The following SCLT1 variants were observed in gnomAD, a reference collection of about 807,000 sequenced individuals.
SCLT1 encodes sodium channel and clathrin linker 1.
Under a neutral mutation model 112.8 loss-of-function variants are expected in SCLT1, and 78 were observed. That is an observed-to-expected ratio of 0.69 (90% CI 0.58 to 0.83). SCLT1 has a LOEUF of 0.83. Among genes scored for constraint, SCLT1 ranks in the 40% least tolerant of loss-of-function variants. SCLT1 has a pLI of 0.00. For synonymous variants in SCLT1, 257 were observed against 254.7 expected, an observed-to-expected ratio of 1.01 and a Z score of -0.09; for missense variants, 747 against 770.4, an observed-to-expected ratio of 0.97 and a Z score of 0.36.
chr4:128,945,911 G>GT (rs1448331650), intron 16 of SCLT1, 96 bp downstream of exon 16: 21 of 718,124 alleles, frequency 2.9e-5, no homozygotes, highest in African/African-American at 1.8e-4. Context: ...AAGATATATT[G>GT]TAAGTCCTAC....
chr4:128,982,642 C>A (rs1011205973), intron 9 of SCLT1, among the ~76,000 whole-genome samples: 1 of 151,306 alleles, frequency 6.6e-6, no homozygotes. Context: ...GCTGGGATTA[C>A]AGGCTCCCAT....
At chr4:129,015,713 T>C (rs1334462706) in intron 5 of SCLT1, among the ~76,000 whole-genome samples, 2 of 152,172 alleles carry the variant, frequency 1.3e-5, no homozygotes, top group East Asian at 3.8e-4. Context: ...TCTCTCCTCC[T>C]GCTAGGGTTC....
intron 18 of SCLT1, among the ~76,000 whole-genome samples, chr4:128,924,975 C>T (rs919699080): frequency 6.6e-6 from 1 of 152,144 alleles, no homozygotes; most frequent in African/African-American, 2.4e-5. Context: ...TCTCTCCTCA[C>T]TCTGAGGGAA....
intron 18 of SCLT1, among the ~76,000 whole-genome samples, chr4:128,900,959 C>A (rs1373261689): frequency 3.9e-5 from 6 of 152,006 alleles, no homozygotes; most frequent in Non-Finnish European, 7.4e-5. Context: ...AAATGCAAAT[C>A]AAAACCACAA....
At chr4:129,002,208 A>G (rs1291285222) in intron 6 of SCLT1, among the ~76,000 whole-genome samples, 2 of 152,092 alleles carry the variant, frequency 1.3e-5, no homozygotes, top group African/African-American at 4.8e-5. Flanking sequence ...CTGAGGCACA[A>G]GAGTTTTTTT....
intron 18 of SCLT1, among the ~76,000 whole-genome samples, chr4:128,930,931 G>A (rs1736707988): frequency 6.6e-6 from 1 of 152,076 alleles, no homozygotes; most frequent in African/African-American, 2.4e-5. Flanking sequence ...AAGATCAGAA[G>A]GGCTTGTTTC....
chr4:129,040,056 C>A, intron 4 of SCLT1: 1 of 633,098 alleles, frequency 1.6e-6, no homozygotes. Flanking sequence ...CTGGAGTACA[C>A]TTTCGCAAGG....
chr4:129,030,158 C>G (rs1050145631), intron 5 of SCLT1, among the ~76,000 whole-genome samples: 1 of 152,152 alleles, frequency 6.6e-6, no homozygotes, highest in Admixed American at 6.6e-5. Context: ...TTAAGAAACT[C>G]ACTCAAAACT....
At chr4:129,054,062 T>C (rs1433097660) in intron 2 of SCLT1, among the ~76,000 whole-genome samples, 3 of 151,804 alleles carry the variant, frequency 2.0e-5, no homozygotes. Context: ...TCTTTGAGAT[T>C]GTTGGATATT....
chr4:129,077,740 T>C (rs1751586544), intron 2 of SCLT1, among the ~76,000 whole-genome samples: 1 of 152,128 alleles, frequency 6.6e-6, no homozygotes, highest in Non-Finnish European at 1.5e-5. Flanking sequence ...CACATACCCA[T>C]TGATAATGGT....
At chr4:129,072,964 G>A (rs1373640092) in intron 2 of SCLT1, among the ~76,000 whole-genome samples, 2 of 152,184 alleles carry the variant, frequency 1.3e-5, no homozygotes, top group East Asian at 3.9e-4. Context: ...GCTGAAAACT[G>A]TTGTTCAGAT....
In SCLT1 at chr4:129,091,165, T is replaced by C. The variant is rs188227134; in HGVS notation, c.34+1905A>G. Among the ~76,000 whole-genome samples the C allele has an allele frequency of 3.9e-5, 6 of 152,260 alleles. No homozygotes were observed. In the East Asian group the frequency reaches 7.7e-4, roughly 20 times the overall value. ...AATAACCCACCACCTTCAAATGGCA[T>C]GCAAAATCCGGTTAAAGAAAAAAGG... On this transcript the variant is annotated intron_variant, in intron 1 of 20. Coordinates refer to ENST00000281142, the MANE Select transcript of SCLT1 (RefSeq NM_144643.4).
At chr4:128,875,887 T>C (rs1732507557) in intron 4 of SCLT1, among the ~76,000 whole-genome samples, 1 of 152,188 alleles carries the variant, frequency 6.6e-6, no homozygotes, top group Non-Finnish European at 1.5e-5. Context: ...ATGCTTTCTT[T>C]TGATCACAGA....
rs770171419 is a variant in SCLT1, at chr4:129,082,318, A to G, written c.90T>C (p.Tyr30=). ...RRYQMESFSK[Y]SSVQKAVCQG... is the part of the protein sequence containing the mutation. ...ATAATTTACATACCTGTACAGATGAATATTTGGAAAAACTTTCCATTTGAT... is the reference window on the plus strand; with the variant it reads ...ATAATTTACATACCTGTACAGATGAGTATTTGGAAAAACTTTCCATTTGAT... Residue 30 remains tyrosine (Y), a synonymous_variant, in exon 2 of 21, where the codon TAT becomes TAC. Transcript: ENST00000281142. The G allele has an allele frequency of 1.9e-5, 30 of 1,553,498 alleles. No homozygotes were observed. The highest frequency in any genetic ancestry group is 2.7e-6 in the Non-Finnish European group (3 of 1,130,090).
At chr4:129,025,764 A>G (rs1406025531) in intron 5 of SCLT1, among the ~76,000 whole-genome samples, 1 of 152,100 alleles carries the variant, frequency 6.6e-6, no homozygotes, top group East Asian at 1.9e-4. Context: ...CAAATTGGAT[A>G]AAGAGTCAAG....
intron 11 of SCLT1, among the ~76,000 whole-genome samples, chr4:128,960,372 T>C (rs4975290): frequency 2.0e-5 from 3 of 152,034 alleles, no homozygotes; most frequent in South Asian, 4.1e-4. Flanking sequence ...ATAAAAATCA[T>C]AGTATACACC....
intron 12 of SCLT1, 51 bp from the exon 13 acceptor site, chr4:128,957,175 A>T: frequency 1.7e-6 from 2 of 1,149,954 alleles, no homozygotes; most frequent in South Asian, 2.8e-5. Context: ...ATTAGTAAAG[A>T]TAATAACAGG....
At chr4:129,047,384 C>T (rs1446997) in intron 2 of SCLT1, among the ~76,000 whole-genome samples, 2,188 of 152,152 alleles carry the variant, frequency 0.014, 47 homozygotes, top group African/African-American at 0.044. Context: ...AACTGGCTTG[C>T]TTCCTTGGCC....
At chr4:128,959,858 C>A (rs1479771793) in intron 11 of SCLT1, 81 bp from the exon 12 acceptor site, 3 of 1,011,204 alleles carry the variant, frequency 3.0e-6, no homozygotes, top group Non-Finnish European at 4.5e-6. Flanking sequence ...TACTACAGGA[C>A]AGGTATTATG....
Sources: allele counts gnomAD v4.1 joint callset (sites outside exome capture counted in the v4.1 genomes callset), GRCh38; gene constraint gnomAD v4.1.1; transcripts MANE v1.5; gene names NCBI Gene and HGNC (gene_info 2026-07-23, HGNC 2026-07-21).